Variants in LRRC34 observed in about 807,000 individuals in gnomAD.
LRRC34 encodes the protein leucine rich repeat containing 34.
A neutral mutation model predicts 48.5 loss-of-function variants in LRRC34; 44 were observed. That is an observed-to-expected ratio of 0.91 (90% CI 0.71 to 1.17). The LOEUF (loss-of-function observed/expected upper bound fraction) is 1.17. Among genes scored for constraint, LRRC34 ranks in the 50% most tolerant of loss-of-function variants. The pLI is 0.00. For missense variants in LRRC34, 502 were observed against 563.0 expected (o/e 0.89, Z 1.10); for synonymous variants, 192 against 197.6 (o/e 0.97, Z 0.24).
intron 8 of LRRC34, 81 bp from the exon 9 acceptor site, chr3:169,796,450 C>CAGAA: frequency 2.1e-6 from 3 of 1,446,060 alleles, no homozygotes; most frequent in Non-Finnish European, 2.8e-6. Context: ...AAAACTTAAA[C>CAGAA]AGTACTTTCT....
intron 6 of LRRC34, among the ~76,000 whole-genome samples, chr3:169,803,109 A>G (rs1384184572): frequency 6.6e-6 from 1 of 152,250 alleles, no homozygotes; most frequent in Non-Finnish European, 1.5e-5. Context: ...AAGATTTGAA[A>G]GCATGTCAGA....
intron 2 of LRRC34, among the ~76,000 whole-genome samples, chr3:169,808,316 A>G (rs1475567913): frequency 4.2e-5 from 5 of 118,106 alleles, no homozygotes; most frequent in East Asian, 2.1e-4. Flanking sequence ...ACCATCTCAG[A>G]AAAAAAAAAA....
Position 169,795,417 on chromosome 3 carries a change from A to G in LRRC34, c.1191+68T>C. 2 of 1,487,326 alleles carry G rather than the reference A, an allele frequency of 1.3e-6. 1 individual carries two copies. Among genetic ancestry groups the G allele is most frequent in the South Asian group, 2.7e-5 (2 of 73,160 alleles). The allele number at this position is 1,487,326 out of a possible 1,614,324, so 92.1% of individuals were successfully genotyped here. ...GTAACCATTTCTGAGGCACCTGTAA[A>G]TAATATCTGATGTTACAGAGATGAT... On this transcript the variant is annotated intron_variant, in intron 10 of 10. Coordinates refer to ENST00000446859, the MANE Select transcript of LRRC34 (RefSeq NM_001172779.2).
intron 1 of LRRC34, 58 bp from the exon 2 acceptor site, chr3:169,808,803 A>C (rs1204023716): frequency 2.1e-6 from 2 of 951,586 alleles, no homozygotes; most frequent in African/African-American, 1.7e-5. Context: ...TTTAAAAAAA[A>C]CCATAAAAAC....
At position 169,803,849 on chromosome 3, in the gene LRRC34, T is replaced by C. The variant is rs147939865; in HGVS notation, c.657+204A>G. 1.1e-5 allele frequency: 4 copies of C among 364,846 alleles called. No homozygotes were observed. The East Asian group carries it at 1.8e-4, about 17-fold the overall frequency. 22.6% of individuals were successfully genotyped at this position (364,846 alleles called of 1,614,324 possible). A position where few individuals can be genotyped will look rare whatever the true frequency, so the allele number is the denominator to read the frequency against. On this transcript the variant is annotated intron_variant, in intron 6 of 10. Coordinates refer to ENST00000446859, the MANE Select transcript of LRRC34 (RefSeq NM_001172779.2). ...AAGATGAGTTATATAGATGGAAGTT[T>C]AGGAATATTTTTATTAAGTATTTTT...
In LRRC34 at chr3:169,796,198, A is replaced by G; in HGVS notation, c.1064+16T>C. Reference sequence around the variant, plus strand: ...TGCTTTTCTGTTATTTTGATTAAATATAAAACCATACTAACGCTTTAAGAC... The same window carrying G: ...TGCTTTTCTGTTATTTTGATTAAATGTAAAACCATACTAACGCTTTAAGAC... On this transcript the variant is annotated intron_variant, in intron 9 of 10. Transcript: ENST00000446859. The G allele has an allele frequency of 6.3e-7, 1 of 1,581,042 alleles. No homozygotes were observed. Among genetic ancestry groups the G allele is most frequent in the Non-Finnish European group, 8.5e-7 (1 of 1,171,032 alleles).
intron 7 of LRRC34, among the ~76,000 whole-genome samples, chr3:169,797,491 T>C (rs1439613104): frequency 6.6e-6 from 1 of 152,214 alleles, no homozygotes; most frequent in Admixed American, 6.5e-5. Context: ...ACAATCTAGC[T>C]ACTTCTAGGT....
At position 169,793,771 on chromosome 3, in the gene LRRC34, A is replaced by G. The variant is rs140649463; in HGVS notation, c.1259T>C (p.Val420Ala). ...PDNTDVEPFVVDGRVYLAEVS... is the reference protein window; with the variant it reads ...PDNTDVEPFVADGRVYLAEVS... The stretch of plus-strand genomic sequence containing the variant: ...TTCTGCAAGATATACACGTCCATCT[A>G]CCACAAATGGCTCCACATCTGTATT... The change falls in exon 11 of 11, where the codon GTA becomes GCA. Residue 420 changes from valine (V) to alanine (A), a missense_variant. Val to Ala is a moderately conservative substitution (Grantham distance 64). Transcript: ENST00000446859. 4.0e-5 allele frequency: 64 copies of G among 1,613,840 alleles called. No individual in the cohort carries two copies. In the East Asian group the frequency reaches 1.2e-3, roughly 29 times the overall value.
intron 6 of LRRC34, 89 bp downstream of exon 6, chr3:169,803,964 A>G: frequency 7.7e-7 from 1 of 1,291,978 alleles, no homozygotes; most frequent in Non-Finnish European, 1.0e-6. Context: ...TAGACATAAG[A>G]GGCAAAATTA....
chr3:169,795,680 G>A (rs1778960385), intron 9 of LRRC34, 69 bp from the exon 10 acceptor site: 1 of 1,550,542 alleles, frequency 6.4e-7, no homozygotes, highest in Non-Finnish European at 8.7e-7. Context: ...ACTTTCTTGT[G>A]TAGTCTTAGC....
intron 7 of LRRC34, among the ~76,000 whole-genome samples, chr3:169,800,103 A>C (rs1779138659): frequency 6.6e-6 from 1 of 152,204 alleles, no homozygotes; most frequent in Non-Finnish European, 1.5e-5. Flanking sequence ...TTATACCAAT[A>C]ATAACATGAG....
At position 169,812,455 on chromosome 3, in the gene LRRC34, A is replaced by G. The variant is rs1228720057; in HGVS notation, c.94T>C (p.Ser32Pro). Residue 32 changes from serine (S) to proline (P), a missense_variant, in exon 1 of 11, where the codon TCC becomes CCC. By Grantham distance (74) the Ser-to-Pro change is moderately conservative (BLOSUM62 -1). Transcript: ENST00000446859. This position sits in a 1 kb window ranked among gnomAD's most constrained non-coding sequence, Gnocchi z 4.3. ...GCGCCCGGAGTACTGGCCTGAGTGG[A>G]GGCCCAAGCCGGGGACCTGGCCGGC... The part of the protein sequence containing the change: ...RAPARSPAWA[S>P]TQASTPGAAL... 3 of 1,531,326 alleles carry G rather than the reference A, an allele frequency of 2.0e-6. No homozygotes were observed. Among genetic ancestry groups the G allele is most frequent in the Admixed American group, 2.0e-5 (1 of 50,982 alleles). The allele number at this position is 1,531,326 out of a possible 1,614,324, so 94.9% of individuals were successfully genotyped here.
chr3:169,803,904 T>C, intron 6 of LRRC34, 149 bp downstream of exon 6: 1 of 553,454 alleles, frequency 1.8e-6, no homozygotes, highest in Middle Eastern at 3.8e-4. Context: ...CTGATTTTAT[T>C]AATAATCTGC....
intron 7 of LRRC34, among the ~76,000 whole-genome samples, chr3:169,797,465 CT>C (rs34463606): frequency 1.3e-5 from 2 of 151,874 alleles, no homozygotes; most frequent in African/African-American, 4.8e-5. Context: ...CATCAGAAGA[CT>C]TTTTTTTAAG....
chr3:169,800,263 T>G (rs977036967), intron 7 of LRRC34, among the ~76,000 whole-genome samples: 1 of 152,182 alleles, frequency 6.6e-6, no homozygotes, highest in African/African-American at 2.4e-5. Flanking sequence ...CTTTTATTAC[T>G]CATGATTTCA....
chr3:169,793,484 A>T lies in LRRC34; in HGVS notation c.*151T>A. On this transcript the variant is annotated 3_prime_UTR_variant, in exon 11 of 11. Coordinates refer to ENST00000446859, the MANE Select transcript of LRRC34 (RefSeq NM_001172779.2). ...ATTACCCTACTCAGTTTTTCACAAT[A>T]GACAGTTATACAAAGTTTAATACAG... 3.6e-6 allele frequency: 2 copies of T among 549,440 alleles called. No individual in the cohort carries two copies. Among genetic ancestry groups the T allele is most frequent in the Non-Finnish European group, 6.1e-6 (2 of 329,914 alleles). The allele number at this position is 549,440 out of a possible 1,614,324, so 34.0% of individuals were successfully genotyped here. A position where few individuals can be genotyped will look rare whatever the true frequency, so the allele number is the denominator to read the frequency against.
Position 169,796,216 on chromosome 3 carries a change from T to A in LRRC34, c.1062A>T (p.Lys354Asn). ...ETLTSHNRSL[K>N]ALSVVSNNIE... ...ATTAAATATAAAACCATACTAACGC[T>A]TTAAGACTCCTGTTGTGTGAAGTAA... The change falls in exon 9 of 11, where the codon AAA becomes AAT. Residue 354 changes from lysine to asparagine, a missense_variant and splice_region_variant. Lys to Asn is a moderately conservative substitution (Grantham distance 94). Transcript: ENST00000446859. The A allele has an allele frequency of 6.2e-7, 1 of 1,600,988 alleles. No individual in the cohort carries two copies. Among genetic ancestry groups the A allele is most frequent in the Non-Finnish European group, 8.5e-7 (1 of 1,176,834 alleles).
chr3:169,805,277 G>A (rs1158539992), intron 5 of LRRC34, among the ~76,000 whole-genome samples: 1 of 152,074 alleles, frequency 6.6e-6, no homozygotes, highest in African/African-American at 2.4e-5. Flanking sequence ...AAACCTGTTA[G>A]AACTAACACA....
chr3:169,804,973 T>G (rs1200176251), intron 5 of LRRC34, among the ~76,000 whole-genome samples: 1 of 152,190 alleles, frequency 6.6e-6, no homozygotes. Flanking sequence ...ATATCACTTT[T>G]AAAGTAATAT....
Sources: gnomAD v4.1 joint callset for allele counts (sites outside exome capture counted in the v4.1 genomes callset) on GRCh38, gnomAD v4.1.1 for gene constraint, Gnocchi (gnomAD v3.1) non-coding constraint, MANE v1.5 for transcripts, NCBI Gene and HGNC (gene_info 2026-07-23, HGNC 2026-07-21) for gene names.